AQR: variants seen among roughly 807,000 people sequenced by gnomAD.
The protein encoded by AQR is aquarius intron-binding spliceosomal factor.
Under a neutral mutation model 180.5 loss-of-function variants are expected in AQR, and 61 were observed. The ratio of observed to expected loss-of-function variants is 0.34; its 90% CI spans 0.28 to 0.42. The LOEUF is 0.42. Among genes scored for constraint, AQR ranks in the 10% least tolerant of loss-of-function variants. The pLI, the probability that AQR is intolerant of heterozygous loss-of-function variation, is 1.00. For synonymous variants in AQR, 551 were observed against 588.8 expected (o/e 0.94, Z 0.93); for missense variants, 1,281 against 1,798.3 (o/e 0.71, Z 5.20).
At chr15:34,875,765 T>C (rs1457230638) in intron 28 of AQR, among the ~76,000 whole-genome samples, 170 bp downstream of exon 28, 1 of 152,148 alleles carries the variant, frequency 6.6e-6, no homozygotes, top group African/African-American at 2.4e-5. Flanking sequence ...AAATAGCCAG[T>C]GAATAGATTC....
chr15:34,878,380 T>G, intron 27 of AQR, among the ~76,000 whole-genome samples: 1 of 112,608 alleles, frequency 8.9e-6, no homozygotes, highest in South Asian at 2.7e-4. Context: ...AATGAGACTC[T>G]GTCTCAAAAA....
chr15:34,878,854 A>G (rs1348371220), intron 27 of AQR, among the ~76,000 whole-genome samples: 4 of 151,878 alleles, frequency 2.6e-5, no homozygotes, highest in Non-Finnish European at 4.4e-5. Flanking sequence ...ATGGTAAAAC[A>G]CTGTCTCTAC....
intron 24 of AQR, 150 bp from the exon 25 acceptor site, chr15:34,886,811 G>A: frequency 1.2e-6 from 1 of 849,250 alleles, no homozygotes; most frequent in Non-Finnish European, 1.7e-6. Context: ...GGTAGTTCTT[G>A]GGTTACTTTA....
intron 1 of AQR, among the ~76,000 whole-genome samples, chr15:34,965,760 G>C (rs2050307293): frequency 6.6e-6 from 1 of 152,098 alleles, no homozygotes; most frequent in Non-Finnish European, 1.5e-5. Context: ...GTTATTCTGT[G>C]GTGTCCTCAT....
chr15:34,954,940 C>T (rs766515125), intron 3 of AQR, among the ~76,000 whole-genome samples: 9 of 151,924 alleles, frequency 5.9e-5, no homozygotes, highest in Non-Finnish European at 8.8e-5. Context: ...ATGGACAACA[C>T]GGTGGAATCC....
rs1184712566 is a variant in AQR, at chr15:34,854,084, T to A, written c.*2708A>T. On this transcript the variant is annotated 3_prime_UTR_variant, in exon 35 of 35. Coordinates refer to ENST00000156471, the MANE Select transcript of AQR (RefSeq NM_014691.3). ...TCTTGATGATGTTTAAATCTTCTCA[T>A]TCATTTGCCTAAATCAATAGAGCTA... 3 of 151,534 alleles carry A rather than the reference T, an allele frequency of 2.0e-5. No homozygotes were observed. Among genetic ancestry groups the A allele is most frequent in the Non-Finnish European group, 4.4e-5 (3 of 67,972 alleles). 9.4% of individuals were successfully genotyped at this position (151,534 alleles called of 1,614,324 possible).
intron 20 of AQR, among the ~76,000 whole-genome samples, chr15:34,900,327 CAT>C (rs1459851477): frequency 6.6e-6 from 1 of 152,226 alleles, no homozygotes; most frequent in Non-Finnish European, 1.5e-5. Flanking sequence ...ACTGCCAAGA[CAT>C]ATTTTAGTCA....
intron 7 of AQR, among the ~76,000 whole-genome samples, chr15:34,941,237 A>C (rs189225018): frequency 9.8e-5 from 15 of 152,346 alleles, no homozygotes; most frequent in Non-Finnish European, 2.1e-4. Context: ...CTCAATAATC[A>C]ATTAATTTTT....
chr15:34,932,947 C>T (rs1344125845), intron 10 of AQR, among the ~76,000 whole-genome samples: 1 of 151,980 alleles, frequency 6.6e-6, no homozygotes, highest in Non-Finnish European at 1.5e-5. Flanking sequence ...CAGAGCAAGA[C>T]TGTCTCAGAA....
chr15:34,881,766 G>A (rs2140466884), intron 27 of AQR, among the ~76,000 whole-genome samples: 1 of 152,150 alleles, frequency 6.6e-6, no homozygotes, highest in East Asian at 1.9e-4. Context: ...AATAATCTAA[G>A]CATACAGATG....
intron 33 of AQR, among the ~76,000 whole-genome samples, chr15:34,860,469 G>A (rs1220512151): frequency 6.6e-6 from 1 of 151,608 alleles, no homozygotes; most frequent in African/African-American, 2.4e-5. Context: ...AAAGGTTAGA[G>A]ACTAGAAGAG....
chr15:34,895,187 AATATAT>A lies in AQR; in HGVS notation c.2461-1420_2461-1415del, dbSNP rs1180797707. Among the ~76,000 whole-genome samples the A allele has an allele frequency of 8.6e-3, 111 of 12,938 alleles. 1 individual carries two copies. The highest frequency in any genetic ancestry group is 0.022 in the South Asian group (4 of 186). 8.5% of individuals were successfully genotyped at this position (12,938 alleles called of 152,430 possible). Reference sequence around the variant, plus strand: ...AAAAAAAAAAAAAAAAAAAAAAAAAAATATATATATATATATATATATATATATATA... The same window carrying A: ...AAAAAAAAAAAAAAAAAAAAAAAAAAATATATATATATATATATATATATA... On this transcript the variant is annotated intron_variant, in intron 22 of 34. Transcript: ENST00000156471.
chr15:34,945,705 A>T (rs746956051), intron 5 of AQR, among the ~76,000 whole-genome samples: 1 of 152,230 alleles, frequency 6.6e-6, no homozygotes, highest in Admixed American at 6.5e-5. Flanking sequence ...AATATTTGAG[A>T]TAAGTGTCCA....
At chr15:34,906,780 C>A (rs114454718) in intron 17 of AQR, 68 bp from the exon 18 acceptor site, 2 of 1,467,762 alleles carry the variant, frequency 1.4e-6, no homozygotes, top group African/African-American at 2.8e-5. Flanking sequence ...TAGGCAAATT[C>A]TTATTTGCCT....
rs750339150 is a variant in AQR, at chr15:34,886,496, A to C, written c.2817+30T>G. The C allele has an allele frequency of 4.4e-6, 7 of 1,578,202 alleles. No homozygotes were observed. The Admixed American group carries it at 1.4e-4, about 32-fold the overall frequency. ...CCAACTGGGGTTCATATTATGATGAAGTATGATTCAAAAACCCTTAATATC... is the reference window on the plus strand; with the variant it reads ...CCAACTGGGGTTCATATTATGATGACGTATGATTCAAAAACCCTTAATATC... On this transcript the variant is annotated intron_variant, in intron 25 of 34. Coordinates refer to ENST00000156471, the MANE Select transcript of AQR (RefSeq NM_014691.3).
intron 14 of AQR, 144 bp downstream of exon 14, chr15:34,920,188 T>G: frequency 6.8e-6 from 4 of 588,002 alleles, no homozygotes; most frequent in Non-Finnish European, 1.2e-5. Flanking sequence ...AAAAATCAAA[T>G]GATAATACAA....
At chr15:34,891,534 A>T (rs1048710345) in intron 23 of AQR, among the ~76,000 whole-genome samples, 2 of 152,202 alleles carry the variant, frequency 1.3e-5, no homozygotes, top group African/African-American at 4.8e-5. Context: ...GCAGGTGTTT[A>T]GCAAGCAGTG....
intron 13 of AQR, 123 bp downstream of exon 13, chr15:34,926,912 G>A (rs79680667): frequency 0.011 from 5,151 of 486,346 alleles, 45 homozygotes; most frequent in Admixed American, 0.015. Context: ...AGACGTCAAC[G>A]AAGAGTGAAA....
chr15:34,930,306 T>C lies in AQR; in HGVS notation c.966A>G (p.Thr322=), dbSNP rs1893832743. The C allele has an allele frequency of 6.2e-7, 1 of 1,611,504 alleles. No homozygotes were observed. Among genetic ancestry groups the C allele is most frequent in the Non-Finnish European group, 8.5e-7 (1 of 1,178,406 alleles). The change falls in exon 12 of 35, where the codon ACA becomes ACG. Residue 322 remains threonine (T), a synonymous_variant. Coordinates refer to ENST00000156471, the MANE Select transcript of AQR (RefSeq NM_014691.3). ...EINDQTGNAL[T]ENEMTTIHYD... ...AGTGAATTGTGGTCATCTCATTCTC[T>C]GTCAGAGCATTTCCAGTTTGGTCAT...
Sources: allele counts gnomAD v4.1 joint callset (sites outside exome capture counted in the v4.1 genomes callset), GRCh38; gene constraint gnomAD v4.1.1; transcripts MANE v1.5; gene names NCBI Gene and HGNC (gene_info 2026-07-23, HGNC 2026-07-21).